The following MME variants were observed in gnomAD, a reference collection of about 807,000 sequenced individuals.
MME encodes the protein neprilysin.
In MME, 98 loss-of-function variants were observed where a neutral mutation model predicts 113.2. The observed-to-expected ratio is 0.87, with a 90% CI of 0.74 to 1.02. The LOEUF (loss-of-function observed/expected upper bound fraction) is 1.02. Ranked by LOEUF, MME falls within the 50% of genes least tolerant of loss-of-function variation. The pLI, the probability that MME is intolerant of heterozygous loss-of-function variation, is 0.00. For synonymous variants in MME, 292 were observed against 300.6 expected, an observed-to-expected ratio of 0.97 and a Z score of 0.30; for missense variants, 836 against 896.0, an observed-to-expected ratio of 0.93 and a Z score of 0.86.
intron 20 of MME, among the ~76,000 whole-genome samples, chr3:155,169,220 C>T (rs1467071113): frequency 6.6e-6 from 1 of 152,058 alleles, no homozygotes; most frequent in African/African-American, 2.4e-5. Context: ...CATTTGGGAA[C>T]AAAAATCAAT....
At chr3:155,086,453 T>C (rs1715735263) in intron 3 of MME, among the ~76,000 whole-genome samples, 6 of 152,172 alleles carry the variant, frequency 3.9e-5, no homozygotes, top group Admixed American at 3.9e-4. Context: ...CTTGGAAGTA[T>C]TTGAGTTCTC....
intron 20 of MME, among the ~76,000 whole-genome samples, chr3:155,171,247 T>C (rs1711914696): frequency 6.6e-6 from 1 of 152,204 alleles, no homozygotes; most frequent in African/African-American, 2.4e-5. Flanking sequence ...CTTGCCCCCC[T>C]GCTAGATTGC....
At chr3:155,124,953 C>T (rs1280278716) in intron 8 of MME, among the ~76,000 whole-genome samples, 9 of 152,222 alleles carry the variant, frequency 5.9e-5, no homozygotes, top group Non-Finnish European at 1.2e-4. Flanking sequence ...CCACCCAGTT[C>T]GAGCTTCCGG....
intron 1 of MME, among the ~76,000 whole-genome samples, chr3:155,072,804 T>C (rs1714625139): frequency 6.6e-6 from 1 of 152,238 alleles, no homozygotes. Flanking sequence ...CTGTAAGTCA[T>C]GTGTTTCTTT....
chr3:155,124,511 C>T (rs2108274318), intron 8 of MME, among the ~76,000 whole-genome samples: 1 of 152,284 alleles, frequency 6.6e-6, no homozygotes, highest in African/African-American at 2.4e-5. Context: ...TTTAGAGTTT[C>T]CAGTTTTTCT....
intron 1 of MME, among the ~76,000 whole-genome samples, chr3:155,074,416 GTGTGTGTTTCCTTTC>G (rs1714678188): frequency 6.6e-6 from 1 of 151,766 alleles, no homozygotes; most frequent in Non-Finnish European, 1.5e-5. Context: ...TTATGTGTGT[GTGTGTGTTTCCTTTC>G]TTTCTTTCTT....
At chr3:155,148,792 G>C (rs552783279) in intron 16 of MME, 139 bp downstream of exon 16, 35 of 683,124 alleles carry the variant, frequency 5.1e-5, no homozygotes, top group Non-Finnish European at 8.4e-5. Context: ...ACTTCTAAAA[G>C]CATCTAATTA....
intron 3 of MME, among the ~76,000 whole-genome samples, chr3:155,113,245 A>G (rs1401024481): frequency 6.6e-6 from 1 of 152,118 alleles, no homozygotes; most frequent in East Asian, 1.9e-4. Context: ...GTAGGGTGAT[A>G]CGTTTATTCT....
At chr3:155,051,053 C>T (rs116318664) in intron 1 of MME, among the ~76,000 whole-genome samples, 3 of 152,108 alleles carry the variant, frequency 2.0e-5, no homozygotes, top group Middle Eastern at 3.4e-3. Flanking sequence ...CTTTGCCGCT[C>T]GTAGAAAAAT....
At chr3:155,072,686 T>G (rs1407507343) in intron 1 of MME, among the ~76,000 whole-genome samples, 1 of 152,204 alleles carries the variant, frequency 6.6e-6, no homozygotes. Flanking sequence ...AATGGACTTT[T>G]GTATTGTTTC....
At chr3:155,151,313 T>C (rs1354737335) in intron 16 of MME, among the ~76,000 whole-genome samples, 1 of 152,130 alleles carries the variant, frequency 6.6e-6, no homozygotes, top group Admixed American at 6.5e-5. Context: ...GTTGAGACTT[T>C]TGTAGGGTTG....
chr3:155,157,748 G>T (rs1314208643), intron 16 of MME, among the ~76,000 whole-genome samples: 3 of 152,046 alleles, frequency 2.0e-5, no homozygotes, highest in African/African-American at 7.2e-5. Context: ...ACTGGTTTGA[G>T]GGCACATCAA....
chr3:155,039,039 G>A (rs1013930800), intron 1 of MME, among the ~76,000 whole-genome samples: 1 of 152,164 alleles, frequency 6.6e-6, no homozygotes, highest in African/African-American at 2.4e-5. Context: ...AAACCATACT[G>A]TGATCTTCTT....
intron 1 of MME, among the ~76,000 whole-genome samples, chr3:155,032,371 A>G (rs1024459777): frequency 6.6e-6 from 1 of 152,238 alleles, no homozygotes; most frequent in Non-Finnish European, 1.5e-5. Context: ...TTCATACAAC[A>G]GAAAATGTTG....
chr3:155,106,986 A>T (rs374617204), intron 3 of MME, among the ~76,000 whole-genome samples: 49 of 152,346 alleles, frequency 3.2e-4, no homozygotes, highest in African/African-American at 1.2e-3. Flanking sequence ...AGCTTAGGCA[A>T]TTTGAAGACA....
At chr3:155,102,063 A>G (rs1202784519) in intron 3 of MME, among the ~76,000 whole-genome samples, 1 of 152,196 alleles carries the variant, frequency 6.6e-6, no homozygotes, top group Admixed American at 6.5e-5. Flanking sequence ...ATCTAATTAT[A>G]TATTAAAAGT....
chr3:155,167,776 C>G (rs1259288996), intron 18 of MME, among the ~76,000 whole-genome samples: 1 of 152,120 alleles, frequency 6.6e-6, no homozygotes, highest in East Asian at 1.9e-4. Context: ...CAGGTAGGTT[C>G]TAATACTGTT....
chr3:155,064,888 G>A (rs1219089508), intron 1 of MME, among the ~76,000 whole-genome samples: 1 of 152,130 alleles, frequency 6.6e-6, no homozygotes, highest in African/African-American at 2.4e-5. Context: ...ACAACCTTTG[G>A]TGTCCTTTGG....
Position 155,094,437 on chromosome 3 carries a change from A to G in MME, c.196+9343A>G, listed in dbSNP as rs1716550561. Among the ~76,000 whole-genome samples the G allele has an allele frequency of 2.0e-5, 3 of 152,226 alleles. No homozygotes were observed. The South Asian group carries it at 6.2e-4, about 32-fold the overall frequency. ...TGCACCATAGGTATAATGCACAGAT[A>G]GGATTCATAGACATCTTATTTCATG... On this transcript the variant is annotated intron_variant, in intron 3 of 22. Coordinates refer to ENST00000360490, the MANE Select transcript of MME (RefSeq NM_007289.4).
Sources: gnomAD v4.1 joint callset for allele counts (sites outside exome capture counted in the v4.1 genomes callset) on GRCh38, gnomAD v4.1.1 for gene constraint, MANE v1.5 for transcripts, NCBI Gene and HGNC (gene_info 2026-07-23, HGNC 2026-07-21) for gene names.